The following CD4 variants were observed in gnomAD, a reference collection of about 807,000 sequenced individuals.
CD4 encodes CD4 molecule.
Under a neutral mutation model 50.5 loss-of-function variants are expected in CD4, and 25 were observed. The observed-to-expected ratio is 0.49, with a 90% CI of 0.36 to 0.69. The LOEUF is 0.69. CD4 is among the 30% of genes least tolerant of loss of function. CD4 has a pLI of 0.00. For missense variants in CD4, 456 were observed against 548.5 expected (o/e 0.83, Z 1.68); for synonymous variants, 207 against 221.9 (o/e 0.93, Z 0.60).
chr12:6,816,552 G>T lies in CD4; in HGVS notation c.955+149G>T, dbSNP rs1436789576. 20 of 700,028 alleles carry T rather than the reference G, an allele frequency of 2.9e-5. No homozygotes were observed. The East Asian group carries it at 5.2e-4, about 18-fold the overall frequency. 43.4% of individuals were successfully genotyped at this position (700,028 alleles called of 1,614,324 possible). A position where few individuals can be genotyped will look rare whatever the true frequency, so the allele number is the denominator to read the frequency against. ...TGAGGGAGGGCCCTCTGGGTTTGGG[G>T]CTGGTTTTGAACTGAGACATCCATG... On this transcript the variant is annotated intron_variant, in intron 6 of 9. Coordinates refer to ENST00000011653, the MANE Select transcript of CD4 (RefSeq NM_000616.5). The surrounding 1 kb of genome is among the most constrained non-coding windows in gnomAD (Gnocchi z 4.9).
chr12:6,806,885 C>T (rs1030611209), intron 3 of CD4, among the ~76,000 whole-genome samples: 1 of 152,088 alleles, frequency 6.6e-6, no homozygotes, highest in Admixed American at 6.6e-5. Context: ...ACAAAACATG[C>T]GGCCGGGCGC....
intron 1 of CD4, among the ~76,000 whole-genome samples, chr12:6,790,555 C>G (rs542809127): frequency 6.6e-6 from 1 of 152,194 alleles, no homozygotes; most frequent in Non-Finnish European, 1.5e-5. Context: ...TGGTAGGGGT[C>G]TCATGAGGCC....
intron 3 of CD4, among the ~76,000 whole-genome samples, chr12:6,806,053 C>T (rs1168390382): frequency 1.3e-5 from 2 of 151,164 alleles, no homozygotes; most frequent in Non-Finnish European, 2.9e-5. Flanking sequence ...AATCCCAGCA[C>T]GTTGGGAGGC....
chr12:6,802,874 C>CA, intron 3 of CD4, among the ~76,000 whole-genome samples: 1 of 152,092 alleles, frequency 6.6e-6, no homozygotes, highest in Non-Finnish European at 1.5e-5. Context: ...GCTGGGACTA[C>CA]AGACACGTGC....
At chr12:6,793,668 CT>C (rs1392233354) in intron 1 of CD4, among the ~76,000 whole-genome samples, 3 of 90,852 alleles carry the variant, frequency 3.3e-5, no homozygotes, top group African/African-American at 1.4e-4. Context: ...ATCTATCTAT[CT>C]ATCTATCTAT....
chr12:6,816,418 C>T lies in CD4; in HGVS notation c.955+15C>T, dbSNP rs1943086613. The T allele has an allele frequency of 6.3e-7, 1 of 1,590,844 alleles. No homozygotes were observed. Among genetic ancestry groups the T allele is most frequent in the Non-Finnish European group, 8.6e-7 (1 of 1,163,852 alleles). On this transcript the variant is annotated intron_variant, in intron 6 of 9. Transcript: ENST00000011653. This position sits in a 1 kb window ranked among gnomAD's most constrained non-coding sequence, Gnocchi z 4.9. Reference sequence around the variant, plus strand: ...GGTGATGAGAGGTGAGGGGCCAGGCCAGGGAGGGGTGGGCAGGGGAAGGAG... The same window carrying T: ...GGTGATGAGAGGTGAGGGGCCAGGCTAGGGAGGGGTGGGCAGGGGAAGGAG...
intron 3 of CD4, chr12:6,813,615 C>T (rs909108800): frequency 6.6e-6 from 1 of 152,538 alleles, no homozygotes; most frequent in South Asian, 2.1e-4. Context: ...GAGCTATGAT[C>T]TATTTAACCT....
rs1170245236 is a variant in CD4 at position 6,805,560 on chromosome 12, CCCGAA to C, written c.214+5090_214+5094del. The stretch of plus-strand genomic sequence containing the variant: ...TGGGCAACAGAGTAAGAGTCTGTCT[CCCGAA>C]AAAAAAAAAAAGAAAAAAGAAAGCA... On this transcript the variant is annotated intron_variant, in intron 3 of 9. Coordinates refer to ENST00000011653, the MANE Select transcript of CD4 (RefSeq NM_000616.5). Among the ~76,000 whole-genome samples, 15 of 38,190 alleles carry C rather than the reference CCCGAA, an allele frequency of 3.9e-4. 1 individual carries two copies. The highest frequency in any genetic ancestry group is 8.0e-4 in the African/African-American group (14 of 17,548). The allele number at this position is 38,190 out of a possible 152,430, so 25.1% of individuals were successfully genotyped here. A position where few individuals can be genotyped will look rare whatever the true frequency, so the allele number is the denominator to read the frequency against.
chr12:6,806,706 T>C (rs181522055), intron 3 of CD4, among the ~76,000 whole-genome samples: 5 of 152,120 alleles, frequency 3.3e-5, no homozygotes, highest in Admixed American at 1.3e-4. Context: ...GATATGTACA[T>C]TAAAACCACA....
intron 7 of CD4, among the ~76,000 whole-genome samples, chr12:6,817,699 C>G (rs1350276540): frequency 1.3e-5 from 2 of 151,676 alleles, no homozygotes; most frequent in Non-Finnish European, 2.9e-5. Context: ...CATGCACACA[C>G]TCCCATACAC....
At chr12:6,809,736 C>T (rs1223812597) in intron 3 of CD4, among the ~76,000 whole-genome samples, 4 of 152,130 alleles carry the variant, frequency 2.6e-5, no homozygotes, top group African/African-American at 4.8e-5. Flanking sequence ...CTCTGCAGGA[C>T]GTTCACCCTC....
chr12:6,815,783 GAA>G, intron 5 of CD4: 1 of 1,434,042 alleles, frequency 7.0e-7, no homozygotes, highest in Non-Finnish European at 9.2e-7. Flanking sequence ...TGTGGTCCAG[GAA>G]TCCTAAGGAC....
At chr12:6,815,604 T>C in intron 5 of CD4, 2 of 701,760 alleles carry the variant, frequency 2.8e-6, no homozygotes, top group Non-Finnish European at 4.4e-6. Context: ...CTCTGTGAAA[T>C]GGGGATGATG....
chr12:6,799,044 C>T (rs1369166801), intron 1 of CD4: 1 of 152,378 alleles, frequency 6.6e-6, no homozygotes, highest in East Asian at 1.9e-4. Context: ...CAGCAAAGAA[C>T]CCCCTCCTGG....
At position 6,816,877 on chromosome 12, in the gene CD4, CTT is replaced by C. The variant is rs1173296623; in HGVS notation, c.956-251_956-250del. 2.6e-5 allele frequency among the ~76,000 whole-genome samples: 4 copies of C among 152,194 alleles called. No individual in the cohort carries two copies. The highest frequency in any genetic ancestry group is 4.4e-5 in the Non-Finnish European group (3 of 68,030). On this transcript the variant is annotated intron_variant, in intron 6 of 9. Transcript: ENST00000011653. This position sits in a 1 kb window ranked among gnomAD's most constrained non-coding sequence, Gnocchi z 4.9. The stretch of plus-strand genomic sequence containing the variant: ...GCACGTGTCGGGCCCCATCCAAACA[CTT>C]TACATGTATGCCTGCCTTTAGTACT...
intron 4 of CD4, 82 bp downstream of exon 4, chr12:6,814,382 T>C: frequency 7.0e-7 from 1 of 1,438,708 alleles, no homozygotes; most frequent in Non-Finnish European, 9.4e-7. Context: ...AAATCCAGCC[T>C]GAGCTGGTGA....
At chr12:6,812,767 ATTTTTGTGTGTGTGTGTGTGTGTG>A (rs1942973682) in intron 3 of CD4, among the ~76,000 whole-genome samples, 1 of 144,372 alleles carries the variant, frequency 6.9e-6, no homozygotes, top group Non-Finnish European at 1.5e-5. Flanking sequence ...AACCAAGGTT[ATTTTTGTGTGTGTGTGTGTGTGTG>A]TGTGTGTGTG....
At chr12:6,817,081 G>T in intron 6 of CD4, 49 bp from the exon 7 acceptor site, 1 of 1,501,872 alleles carries the variant, frequency 6.7e-7, no homozygotes, top group Non-Finnish European at 9.3e-7. Context: ...CATTTTAATT[G>T]TTCTACTGAA....
chr12:6,798,830 A>G (rs1555114743), intron 1 of CD4: 1 of 152,278 alleles, frequency 6.6e-6, no homozygotes, highest in Non-Finnish European at 1.5e-5. Context: ...TCTTTCACTC[A>G]GCAGCTGCAG....
Sources: gnomAD v4.1 joint callset for allele counts (sites outside exome capture counted in the v4.1 genomes callset) on GRCh38, gnomAD v4.1.1 for gene constraint, Gnocchi (gnomAD v3.1) non-coding constraint, MANE v1.5 for transcripts, NCBI Gene and HGNC (gene_info 2026-07-23, HGNC 2026-07-21) for gene names.